Variants in WDR59 observed in about 807,000 individuals in gnomAD.
The protein encoded by WDR59 is GATOR2 complex protein WDR59.
Under a neutral mutation model 131.2 loss-of-function variants are expected in WDR59, and 100 were observed. That is an observed-to-expected ratio of 0.76 (90% CI 0.65 to 0.90). The LOEUF is 0.90. WDR59 is among the 40% of genes least tolerant of loss of function. The pLI is 0.00. For synonymous variants in WDR59, 601 were observed against 466.2 expected (o/e 1.29, Z -3.72); for missense variants, 1,203 against 1,262.2 (o/e 0.95, Z 0.71).
intron 18 of WDR59, among the ~76,000 whole-genome samples, chr16:74,901,854 C>T (rs187246463): frequency 7.6e-5 from 11 of 144,130 alleles, no homozygotes; most frequent in Non-Finnish European, 1.7e-4. Context: ...GGCCATATCA[C>T]GCTTATGTAA....
intron 1 of WDR59, among the ~76,000 whole-genome samples, chr16:74,983,999 A>C (rs1184549375): frequency 1.3e-5 from 2 of 151,848 alleles, no homozygotes; most frequent in African/African-American, 4.8e-5. Flanking sequence ...AAAATAGGCC[A>C]GGCACGGTGG....
At chr16:74,877,731 CAG>C (rs1240225416) in intron 25 of WDR59, among the ~76,000 whole-genome samples, 4 of 152,012 alleles carry the variant, frequency 2.6e-5, no homozygotes, top group Non-Finnish European at 1.5e-5. Context: ...TTTTAGTAGA[CAG>C]GGGGTTTCAC....
In WDR59 at chr16:74,917,724, G is replaced by A. The variant is rs553686152; in HGVS notation, c.966+205C>T. ...CTCAGGAGGCTGACGCAGGAGAATC[G>A]CTTGAACCCGGGAGGCAGAGGTTGC... On this transcript the variant is annotated intron_variant, in intron 11 of 25. Coordinates refer to ENST00000262144, the MANE Select transcript of WDR59 (RefSeq NM_030581.4). Among the ~76,000 whole-genome samples, 35 of 148,896 alleles carry A rather than the reference G, an allele frequency of 2.4e-4. No homozygotes were observed. The South Asian group carries it at 7.5e-3, about 32-fold the overall frequency.
At chr16:74,927,344 T>C (rs965215947) in intron 8 of WDR59, among the ~76,000 whole-genome samples, 1 of 151,896 alleles carries the variant, frequency 6.6e-6, no homozygotes, top group Non-Finnish European at 1.5e-5. Context: ...ATCCCAGCAC[T>C]TGGGAAGCTG....
At chr16:74,890,173 C>T (rs1277816531) in intron 20 of WDR59, among the ~76,000 whole-genome samples, 3 of 152,168 alleles carry the variant, frequency 2.0e-5, no homozygotes, top group Non-Finnish European at 4.4e-5. Flanking sequence ...TTTTTTGAGA[C>T]AGAGTCTCGC....
At position 74,936,683 on chromosome 16, in the gene WDR59, A is replaced by G. The variant is rs140236455; in HGVS notation, c.651+1467T>C. On this transcript the variant is annotated intron_variant, in intron 8 of 25. Transcript: ENST00000262144. ...TGTACTAAAAATACAAAAATTAGCC[A>G]GGCATGATGGCGTGCATCTGTAATC... 4.9e-3 allele frequency among the ~76,000 whole-genome samples: 743 copies of G among 152,168 alleles called. 10 individuals carry two copies. The South Asian group carries it at 0.053, about 11-fold the overall frequency.
intron 7 of WDR59, among the ~76,000 whole-genome samples, chr16:74,939,867 ACCTGCAGTCCCAGC>A (rs2032081024): frequency 1.3e-5 from 2 of 152,076 alleles, no homozygotes; most frequent in African/African-American, 4.8e-5. Flanking sequence ...AGTGGTGCAT[ACCTGCAGTCCCAGC>A]TACTCAGCTG....
intron 18 of WDR59, chr16:74,899,885 A>G: frequency 1.5e-6 from 1 of 661,382 alleles, no homozygotes; most frequent in Non-Finnish European, 2.2e-6. Context: ...TACACTGTAC[A>G]GTTGGGATGG....
intron 7 of WDR59, among the ~76,000 whole-genome samples, chr16:74,940,852 C>T (rs1279662071): frequency 1.3e-5 from 2 of 151,954 alleles, no homozygotes; most frequent in East Asian, 3.9e-4. Flanking sequence ...ACTACAGGCG[C>T]CCGCCATCAC....
intron 4 of WDR59, among the ~76,000 whole-genome samples, chr16:74,950,822 T>G (rs1432877982): frequency 6.6e-6 from 1 of 152,024 alleles, no homozygotes; most frequent in Non-Finnish European, 1.5e-5. Context: ...GATCATGAAC[T>G]GGGGGATTCT....
chr16:74,932,560 C>G (rs1369031569), intron 8 of WDR59, among the ~76,000 whole-genome samples: 1 of 152,136 alleles, frequency 6.6e-6, no homozygotes, highest in Non-Finnish European at 1.5e-5. Flanking sequence ...GTGATCACAG[C>G]TCACTGCAGC....
At chr16:74,884,401 T>C (rs995492754) in intron 25 of WDR59, among the ~76,000 whole-genome samples, 4 of 152,236 alleles carry the variant, frequency 2.6e-5, no homozygotes, top group Non-Finnish European at 4.4e-5. Flanking sequence ...CAGGCTGGAG[T>C]GCAGTGGCGT....
intron 18 of WDR59, among the ~76,000 whole-genome samples, chr16:74,898,819 A>G (rs1033737244): frequency 1.3e-5 from 2 of 152,222 alleles, no homozygotes; most frequent in African/African-American, 2.4e-5. Flanking sequence ...CTTTTGGACA[A>G]TCAGTGGAAA....
intron 25 of WDR59, among the ~76,000 whole-genome samples, chr16:74,885,323 C>T (rs1158982239): frequency 1.3e-5 from 2 of 151,536 alleles, no homozygotes; most frequent in African/African-American, 2.4e-5. Context: ...TGGTGGCAGG[C>T]GCCTGTAGTC....
Position 74,967,153 on chromosome 16 carries a change from C to G in WDR59, c.55-1331G>C, listed in dbSNP as rs150540872. Among the ~76,000 whole-genome samples the G allele has an allele frequency of 6.6e-5, 10 of 152,296 alleles. No homozygotes were observed. In the East Asian group the frequency reaches 1.9e-3, roughly 29 times the overall value. ...GCCTTATTTAGTGGATTTCTCAAGT[C>G]ATCTACCCTCAAGAAACATCACAAG... On this transcript the variant is annotated intron_variant, in intron 1 of 25. Coordinates refer to ENST00000262144, the MANE Select transcript of WDR59 (RefSeq NM_030581.4).
At chr16:74,895,398 G>A (rs1214682426) in intron 18 of WDR59, among the ~76,000 whole-genome samples, 5 of 152,134 alleles carry the variant, frequency 3.3e-5, no homozygotes, top group African/African-American at 1.2e-4. Context: ...GAGTAGCTGG[G>A]ATTACAGGCA....
intron 6 of WDR59, among the ~76,000 whole-genome samples, chr16:74,947,464 A>G (rs1354293116): frequency 1.3e-5 from 2 of 152,226 alleles, no homozygotes; most frequent in African/African-American, 4.8e-5. Flanking sequence ...TTGCTTTAAT[A>G]AACTACAGGA....
In WDR59 at chr16:74,892,494, T is replaced by G; in HGVS notation, c.2072A>C (p.Asp691Ala). 6.2e-7 allele frequency: 1 copy of G among 1,613,690 alleles called. No individual in the cohort carries two copies. Among genetic ancestry groups the G allele is most frequent in the Non-Finnish European group, 8.5e-7 (1 of 1,179,720 alleles). The change falls in exon 20 of 26, where the codon GAT (aspartate) becomes GCT (alanine). Residue 691 changes from aspartate (D) to alanine (A), a missense_variant. Transcript: ENST00000262144. ...AASALLVGRK[D>A]LVQVWSLATV... ...AGGGATGGACAATACCTGGACAAGA[T>G]CCTTTCTTCCAACGAGCAAGGCAGA...
At position 74,904,017 on chromosome 16, in the gene WDR59, A is replaced by G; in HGVS notation, c.1796T>C (p.Leu599Ser). ...GCTGCGAGTGGGGCTCCCACTGTAT[A>G]AACGAAGGTTCCCAGGGGCCTCTGT... is the stretch of plus-strand genomic sequence containing the variant. ...IRTEAPGNLR[L>S]YSGSPTRSEK... Residue 599 changes from leucine to serine, a missense_variant, in exon 18 of 26, where the codon TTA (leucine) becomes TCA (serine). Transcript: ENST00000262144. 6.2e-7 allele frequency: 1 copy of G among 1,612,514 alleles called. No individual in the cohort carries two copies. The highest frequency in any genetic ancestry group is 2.2e-5 in the East Asian group (1 of 44,868).
Sources: gnomAD v4.1 joint callset for allele counts (sites outside exome capture counted in the v4.1 genomes callset) on GRCh38, gnomAD v4.1.1 for gene constraint, MANE v1.5 for transcripts, NCBI Gene and HGNC (gene_info 2026-07-23, HGNC 2026-07-21) for gene names.